The following FBXO25 variants were observed in gnomAD, a reference collection of about 807,000 sequenced individuals.
The protein encoded by FBXO25 is F-box only protein 25.
A neutral mutation model predicts 51.9 loss-of-function variants in FBXO25; 45 were observed. The observed-to-expected ratio is 0.87, with a 90% CI of 0.68 to 1.11. FBXO25 has a LOEUF of 1.11. FBXO25 is among the 50% of genes most tolerant of loss of function. FBXO25 has a pLI of 0.00. For synonymous variants in FBXO25, 199 were observed against 151.0 expected (o/e 1.32, Z -2.33); for missense variants, 507 against 428.5 (o/e 1.18, Z -1.62).
chr8:452,609 C>G (rs1001779226), intron 7 of FBXO25, among the ~76,000 whole-genome samples: 14 of 152,112 alleles, frequency 9.2e-5, no homozygotes, highest in African/African-American at 3.1e-4. Context: ...GTGTCCTTGT[C>G]CATGGTGGGT....
At chr8:432,389 A>C (rs972417531) in intron 3 of FBXO25, among the ~76,000 whole-genome samples, 17 of 152,368 alleles carry the variant, frequency 1.1e-4, no homozygotes, top group African/African-American at 4.1e-4. Flanking sequence ...TTTCAAACCA[A>C]ACCTGACTGT....
At position 474,907 on chromosome 8, in the gene FBXO25, T is replaced by C. The variant is rs938078104; in HGVS notation, c.*6103T>C. On this transcript the variant is annotated 3_prime_UTR_variant, in exon 10 of 10. Coordinates refer to ENST00000350302, the MANE Select transcript of FBXO25 (RefSeq NM_183420.2). The stretch of plus-strand genomic sequence containing the variant: ...ATCACTGCCTCACCCTTTTCAGATA[T>C]ATCATTTTAAAATACTTTGTCCCAT... 1.8e-5 allele frequency: 8 copies of C among 454,850 alleles called. No homozygotes were observed. The highest frequency in any genetic ancestry group is 3.1e-5 in the Non-Finnish European group (7 of 226,738). The allele number at this position is 454,850 out of a possible 1,614,324, so 28.2% of individuals were successfully genotyped here. A position where few individuals can be genotyped will look rare whatever the true frequency, so the allele number is the denominator to read the frequency against.
At chr8:462,636 A>T (rs1799885467) in intron 8 of FBXO25, among the ~76,000 whole-genome samples, 1 of 152,212 alleles carries the variant, frequency 6.6e-6, no homozygotes, top group African/African-American at 2.4e-5. Context: ...TAAGTAAAAT[A>T]ACTTAGGAAT....
At chr8:428,348 T>G (rs542157089) in intron 2 of FBXO25, among the ~76,000 whole-genome samples, 1 of 152,286 alleles carries the variant, frequency 6.6e-6, no homozygotes, top group African/African-American at 2.4e-5. Context: ...TTATGGAAAC[T>G]CTGTGTTTCA....
chr8:407,377 G>A, intron 1 of FBXO25: 1 of 983,896 alleles, frequency 1.0e-6, no homozygotes, highest in Non-Finnish European at 1.2e-6. Flanking sequence ...GGGTCCGCGG[G>A]CGCGTCAGGT....
At chr8:430,665 G>C (rs1360141886) in intron 2 of FBXO25, among the ~76,000 whole-genome samples, 3 of 152,146 alleles carry the variant, frequency 2.0e-5, no homozygotes, top group Admixed American at 2.0e-4. Context: ...TTTACACAGC[G>C]TTAGTTTTGA....
intron 5 of FBXO25, among the ~76,000 whole-genome samples, chr8:444,106 G>A (rs1040149135): frequency 1.3e-5 from 2 of 152,194 alleles, no homozygotes; most frequent in Non-Finnish European, 2.9e-5. Flanking sequence ...CATTGAAAGG[G>A]CATCAGGTAC....
At chr8:420,808 G>T (rs1380705334) in intron 2 of FBXO25, among the ~76,000 whole-genome samples, 5 of 152,218 alleles carry the variant, frequency 3.3e-5, no homozygotes, top group Non-Finnish European at 1.5e-5. Flanking sequence ...GACAAAGAGA[G>T]TCAGAGGCAG....
intron 5 of FBXO25, among the ~76,000 whole-genome samples, chr8:444,018 C>G (rs1305642965): frequency 6.6e-6 from 1 of 152,190 alleles, no homozygotes; most frequent in Non-Finnish European, 1.5e-5. Flanking sequence ...GGGCCAGCTT[C>G]TTCATCTCTC....
At chr8:423,984 T>G (rs550581251) in intron 2 of FBXO25, among the ~76,000 whole-genome samples, 35 of 152,328 alleles carry the variant, frequency 2.3e-4, no homozygotes, top group Admixed American at 1.8e-3. Flanking sequence ...TAATGGCCAT[T>G]CTGACTAGTG....
chr8:468,156 T>C (rs148801688), intron 9 of FBXO25: 1 of 1,026,300 alleles, frequency 9.7e-7, no homozygotes, highest in African/African-American at 1.7e-5. Context: ...ACTTCTCATA[T>C]TAAATATAAT....
intron 1 of FBXO25, among the ~76,000 whole-genome samples, chr8:412,590 C>G (rs1384937904): frequency 6.6e-6 from 1 of 152,176 alleles, no homozygotes; most frequent in African/African-American, 2.4e-5. Context: ...TAGCATCCAA[C>G]TCCTCTAACT....
In FBXO25 at chr8:471,844, G is replaced by A. The variant is rs901785646; in HGVS notation, c.*3040G>A. On this transcript the variant is annotated 3_prime_UTR_variant, in exon 10 of 10. Coordinates refer to ENST00000350302, the MANE Select transcript of FBXO25 (RefSeq NM_183420.2). Reference sequence around the variant, plus strand: ...TCTGTATGCACTGTGTGTGCGTACTGTACAGGGCTGTACACAGCAAACTGT... The same window carrying A: ...TCTGTATGCACTGTGTGTGCGTACTATACAGGGCTGTACACAGCAAACTGT... 1 of 152,214 alleles carries A rather than the reference G, an allele frequency of 6.6e-6. No individual in the cohort carries two copies. Among genetic ancestry groups the A allele is most frequent in the Non-Finnish European group, 1.5e-5 (1 of 68,046 alleles). 9.4% of individuals were successfully genotyped at this position (152,214 alleles called of 1,614,324 possible).
intron 2 of FBXO25, among the ~76,000 whole-genome samples, chr8:429,920 G>A (rs1797716809): frequency 6.6e-6 from 1 of 152,250 alleles, no homozygotes. Flanking sequence ...GGAGGATGCG[G>A]TTACTGCAAG....
chr8:425,880 GC>G (rs1178563531), intron 2 of FBXO25, among the ~76,000 whole-genome samples: 3 of 146,402 alleles, frequency 2.0e-5, no homozygotes, highest in Non-Finnish European at 4.4e-5. Flanking sequence ...ATTTAGGAGG[GC>G]TTTCTTCCTC....
chr8:409,706 A>G (rs1233194807), intron 1 of FBXO25, among the ~76,000 whole-genome samples: 1 of 152,150 alleles, frequency 6.6e-6, no homozygotes, highest in African/African-American at 2.4e-5. Context: ...AGTCATCCAG[A>G]TAAGGTTCTG....
At chr8:434,316 G>C (rs1436394776) in intron 4 of FBXO25, among the ~76,000 whole-genome samples, 3 of 152,182 alleles carry the variant, frequency 2.0e-5, no homozygotes, top group Non-Finnish European at 2.9e-5. Flanking sequence ...TTAATTTCCT[G>C]TTGTAAGATG....
At chr8:423,420 G>C (rs867154444) in intron 2 of FBXO25, among the ~76,000 whole-genome samples, 1 of 152,222 alleles carries the variant, frequency 6.6e-6, no homozygotes, top group African/African-American at 2.4e-5. Flanking sequence ...GTACCCAATA[G>C]GTAGTTTTTT....
At chr8:421,048 C>G (rs776655067) in intron 2 of FBXO25, among the ~76,000 whole-genome samples, 3 of 152,218 alleles carry the variant, frequency 2.0e-5, no homozygotes, top group Non-Finnish European at 4.4e-5. Context: ...AGTCCGTAGC[C>G]TGTTAGGACC....
Sources: gnomAD v4.1 joint callset for allele counts (sites outside exome capture counted in the v4.1 genomes callset) on GRCh38, gnomAD v4.1.1 for gene constraint, MANE v1.5 for transcripts, NCBI Gene and HGNC (gene_info 2026-07-23, HGNC 2026-07-21) for gene names.